Variants in SHROOM4 observed in about 807,000 individuals in gnomAD.
SHROOM4 encodes protein Shroom4.
SHROOM4 carries 17 observed loss-of-function variants against 80.3 expected under a neutral mutation model. The observed-to-expected ratio is 0.21, with a 90% CI of 0.14 to 0.32. SHROOM4 has a LOEUF of 0.32. SHROOM4 is among the 10% of genes least tolerant of loss of function. The pLI is 1.00. For missense variants in SHROOM4, 993 were observed against 1,140.3 expected (o/e 0.87, Z 1.86); for synonymous variants, 400 against 437.5 (o/e 0.91, Z 1.07).
chrX:50,653,987 C>T (rs1304406386), intron 2 of SHROOM4, among the ~76,000 whole-genome samples: 4 of 111,802 alleles, frequency 3.6e-5, no homozygotes, highest in African/African-American at 1.3e-4. Flanking sequence ...CTGTAGCATA[C>T]ATTTTAAAAC....
intron 1 of SHROOM4, among the ~76,000 whole-genome samples, chrX:50,713,093 C>A (rs1236218635): frequency 1.8e-5 from 2 of 110,642 alleles, no homozygotes; most frequent in Non-Finnish European, 3.8e-5. Flanking sequence ...GATAATAAAG[C>A]ACAGCAGAAA....
At chrX:50,764,134 C>T (rs1009842077) in intron 1 of SHROOM4, among the ~76,000 whole-genome samples, 1 of 111,720 alleles carries the variant, frequency 9.0e-6, no homozygotes, top group Non-Finnish European at 1.9e-5. Flanking sequence ...TTTCCTAACA[C>T]CCTGAGCAGA....
In SHROOM4 at chrX:50,593,665, G is replaced by A. The variant is rs1557245978; in HGVS notation, c.*3030C>T. 1 of 112,385 alleles carries A rather than the reference G, an allele frequency of 8.9e-6. No individual in the cohort carries two copies. Among genetic ancestry groups the A allele is most frequent in the Non-Finnish European group, 1.9e-5 (1 of 53,269 alleles). 9.3% of individuals were successfully genotyped at this position (112,385 alleles called of 1,213,427 possible). ...AAATGGGCCCAGCTTCCTCCATCTG[G>A]GGCTTGCTACTGGCAGAGCAGCACT... On this transcript the variant is annotated 3_prime_UTR_variant, in exon 9 of 9. Coordinates refer to ENST00000376020, the MANE Select transcript of SHROOM4 (RefSeq NM_020717.5).
At chrX:50,813,780 G>A (rs937529081) in intron 1 of SHROOM4, 122 bp downstream of exon 1, 250 of 518,829 alleles carry the variant, frequency 4.8e-4, no homozygotes, top group Non-Finnish European at 7.7e-4. Flanking sequence ...CCGCTCAGAG[G>A]GTCTTTCGCT....
Position 50,618,277 on chromosome X carries a change from CCCCTTCCTTCCTTCCTTCCT to C in SHROOM4, c.2957+9317_2957+9336del, listed in dbSNP as rs1930350033. Among the ~76,000 whole-genome samples, 23 of 44,903 alleles carry C rather than the reference CCCCTTCCTTCCTTCCTTCCT, an allele frequency of 5.1e-4. 1 individual carries two copies. The highest frequency in any genetic ancestry group is 8.3e-4 in the Non-Finnish European group (17 of 20,605). 39.0% of individuals were successfully genotyped at this position (44,903 alleles called of 115,157 possible). A position where few individuals can be genotyped will look rare whatever the true frequency, so the allele number is the denominator to read the frequency against. ...TTTCTTTCTTTTCTTCTCTTCTCTT[CCCCTTCCTTCCTTCCTTCCT>C]TCCTTCCTTCCTTCCTTCCTTCCTT... On this transcript the variant is annotated intron_variant, in intron 5 of 8. Coordinates refer to ENST00000376020, the MANE Select transcript of SHROOM4 (RefSeq NM_020717.5).
At chrX:50,813,166 C>CAGT (rs1402866891) in intron 1 of SHROOM4, among the ~76,000 whole-genome samples, 1 of 107,845 alleles carries the variant, frequency 9.3e-6, no homozygotes, top group African/African-American at 3.4e-5. Context: ...GCAGTGGCGG[C>CAGT]GGCGGCGGCG....
chrX:50,708,698 CT>C (rs1372238534), intron 1 of SHROOM4, among the ~76,000 whole-genome samples: 1 of 112,146 alleles, frequency 8.9e-6, no homozygotes, highest in Non-Finnish European at 1.9e-5. Flanking sequence ...GCCTAAGCTG[CT>C]TTCCTATGGC....
chrX:50,714,160 T>C (rs1261185750), intron 1 of SHROOM4, among the ~76,000 whole-genome samples: 1 of 111,991 alleles, frequency 8.9e-6, no homozygotes, highest in East Asian at 2.8e-4. Context: ...TTCTGGGTTC[T>C]CTATTCTTTT....
intron 1 of SHROOM4, among the ~76,000 whole-genome samples, chrX:50,752,748 G>A (rs1934949184): frequency 8.9e-6 from 1 of 112,135 alleles, no homozygotes; most frequent in Non-Finnish European, 1.9e-5. Flanking sequence ...GAAACTCTGT[G>A]ATGGAAATTG....
At chrX:50,618,864 C>T (rs1557251451) in intron 5 of SHROOM4, among the ~76,000 whole-genome samples, 1 of 112,332 alleles carries the variant, frequency 8.9e-6, no homozygotes, top group Admixed American at 9.4e-5. Flanking sequence ...CCTTGTCTGT[C>T]TCTGAGAGAT....
chrX:50,673,755 A>G (rs1932823304), intron 2 of SHROOM4, among the ~76,000 whole-genome samples: 1 of 110,625 alleles, frequency 9.0e-6, no homozygotes, highest in Admixed American at 9.8e-5. Context: ...AATAGCAGAT[A>G]AAGTAAGCAA....
intron 5 of SHROOM4, among the ~76,000 whole-genome samples, chrX:50,617,675 G>T (rs782083717): frequency 2.3e-5 from 2 of 88,400 alleles, no homozygotes; most frequent in African/African-American, 4.5e-5. Context: ...TGGAAGAAAA[G>T]AACATGCCCT....
At chrX:50,620,383 G>C (rs1044267226) in intron 5 of SHROOM4, among the ~76,000 whole-genome samples, 3 of 111,777 alleles carry the variant, frequency 2.7e-5, no homozygotes, top group Non-Finnish European at 3.8e-5. Context: ...ATTCTATTTT[G>C]TTCCAAGATG....
At chrX:50,766,285 C>T (rs1321665561) in intron 1 of SHROOM4, among the ~76,000 whole-genome samples, 1 of 110,775 alleles carries the variant, frequency 9.0e-6, no homozygotes, top group Non-Finnish European at 1.9e-5. Context: ...ATTTAAATAC[C>T]TACATTATTC....
At chrX:50,667,198 T>G (rs1393485181) in intron 2 of SHROOM4, among the ~76,000 whole-genome samples, 1 of 111,322 alleles carries the variant, frequency 9.0e-6, no homozygotes, top group Non-Finnish European at 1.9e-5. Flanking sequence ...AGAGTTGGCA[T>G]GCTTATCAGA....
At chrX:50,753,688 T>C (rs1273222457) in intron 1 of SHROOM4, among the ~76,000 whole-genome samples, 3 of 112,601 alleles carry the variant, frequency 2.7e-5, no homozygotes, top group African/African-American at 6.4e-5. Context: ...TGTTGAAATG[T>C]TAATATTTTA....
intron 1 of SHROOM4, among the ~76,000 whole-genome samples, chrX:50,711,995 T>G (rs1341969461): frequency 1.8e-5 from 2 of 112,282 alleles, no homozygotes; most frequent in Non-Finnish European, 3.8e-5. Flanking sequence ...TCCTTATTTG[T>G]TTAATGGTGA....
intron 1 of SHROOM4, among the ~76,000 whole-genome samples, chrX:50,761,494 T>C (rs1557268860): frequency 8.9e-6 from 1 of 112,351 alleles, no homozygotes; most frequent in Non-Finnish European, 1.9e-5. Context: ...ATTGTGGTTT[T>C]GATTTGCATT....
At chrX:50,629,742 G>A (rs1930965970) in intron 4 of SHROOM4, among the ~76,000 whole-genome samples, 2 of 111,685 alleles carry the variant, frequency 1.8e-5, no homozygotes, top group Non-Finnish European at 3.8e-5. Flanking sequence ...TGGTATGAAG[G>A]ACGTGAGTGC....
Sources: allele counts gnomAD v4.1 joint callset (sites outside exome capture counted in the v4.1 genomes callset), GRCh38; gene constraint gnomAD v4.1.1; transcripts MANE v1.5; gene names NCBI Gene and HGNC (gene_info 2026-07-23, HGNC 2026-07-21).